FGF12: variants seen among roughly 807,000 people sequenced by gnomAD.
FGF12 encodes fibroblast growth factor 12B.
FGF12 carries 14 observed loss-of-function variants against 23.6 expected under a neutral mutation model. The ratio of observed to expected loss-of-function variants is 0.59; its 90% CI spans 0.39 to 0.93. FGF12 has a LOEUF of 0.93. FGF12 is among the 40% of genes least tolerant of loss of function. The probability of loss-of-function intolerance (pLI) is 0.00; values close to 1 mark genes in which losing one functional copy is unlikely to be tolerated. For synonymous variants in FGF12, 62 were observed against 77.3 expected, an observed-to-expected ratio of 0.80 and a Z score of 1.04; for missense variants, 175 against 217.8, an observed-to-expected ratio of 0.80 and a Z score of 1.24.
At chr3:192,185,969 T>G (rs1716441700) in intron 4 of FGF12, among the ~76,000 whole-genome samples, 1 of 151,954 alleles carries the variant, frequency 6.6e-6, no homozygotes, top group Non-Finnish European at 1.5e-5. Context: ...GAAAAAACAT[T>G]AAAAAAATAT....
intron 2 of FGF12, among the ~76,000 whole-genome samples, chr3:192,565,395 T>C (rs556806981): frequency 6.6e-6 from 1 of 152,254 alleles, no homozygotes; most frequent in South Asian, 2.1e-4. Flanking sequence ...GCTCATTTTA[T>C]CTGTGTCAGA....
At chr3:192,597,066 A>T (rs981286785) in intron 2 of FGF12, among the ~76,000 whole-genome samples, 1 of 152,194 alleles carries the variant, frequency 6.6e-6, no homozygotes, top group African/African-American at 2.4e-5. Context: ...TTAATCTCTA[A>T]TAAGGATTAC....
intron 4 of FGF12, among the ~76,000 whole-genome samples, chr3:192,207,911 C>T (rs1441941974): frequency 2.0e-5 from 3 of 152,170 alleles, no homozygotes; most frequent in East Asian, 3.9e-4. Context: ...GTGTAAACCA[C>T]ACTCACAAAG....
intron 2 of FGF12, among the ~76,000 whole-genome samples, chr3:192,415,732 T>TCTCATA (rs369293180): frequency 0.13 from 15,327 of 117,702 alleles, 1,191 homozygotes; most frequent in East Asian, 0.36. Context: ...TCTCTCTCTC[T>TCTCATA]CACACACACA....
At chr3:192,150,619 T>G (rs1577175652) in intron 5 of FGF12, among the ~76,000 whole-genome samples, 1 of 148,674 alleles carries the variant, frequency 6.7e-6, no homozygotes, top group East Asian at 2.0e-4. Context: ...AAAGATCAGA[T>G]AGTTGTAGGT....
chr3:192,349,833 G>A (rs1004521452), intron 3 of FGF12, among the ~76,000 whole-genome samples: 2 of 152,102 alleles, frequency 1.3e-5, no homozygotes, highest in African/African-American at 4.8e-5. Context: ...GCATTGTCAC[G>A]CAAAGTCATA....
At chr3:192,431,293 A>G (rs12496560) in intron 2 of FGF12, among the ~76,000 whole-genome samples, 1,926 of 152,286 alleles carry the variant, frequency 0.013, 141 homozygotes, top group Admixed American at 0.12. Context: ...AAACCTTTCC[A>G]TTTAAAGTTT....
intron 4 of FGF12, among the ~76,000 whole-genome samples, chr3:192,207,122 G>C (rs1455438649): frequency 2.0e-5 from 3 of 152,116 alleles, no homozygotes; most frequent in Non-Finnish European, 2.9e-5. Context: ...TCCTGAGAAA[G>C]CCCCTTAGCA....
chr3:192,381,315 A>G (rs1719802993), intron 2 of FGF12, among the ~76,000 whole-genome samples: 1 of 152,192 alleles, frequency 6.6e-6, no homozygotes, highest in African/African-American at 2.4e-5. Context: ...ATTCTGAAAA[A>G]TACGCACCAA....
At position 192,140,733 on chromosome 3, in the gene FGF12, T is replaced by C. The variant is rs951926828; in HGVS notation, c.*3276A>G. On this transcript the variant is annotated 3_prime_UTR_variant, in exon 6 of 6. Transcript: ENST00000445105. ...CCATAAAGCATCACATTGCATTACA[T>C]TGATATCTCTTTATTGCGCCAATCC... 1.3e-5 allele frequency: 2 copies of C among 151,960 alleles called. No individual in the cohort carries two copies. Among genetic ancestry groups the C allele is most frequent in the Admixed American group, 6.6e-5 (1 of 15,254 alleles). The allele number at this position is 151,960 out of a possible 1,614,324, so 9.4% of individuals were successfully genotyped here. A position where few individuals can be genotyped will look rare whatever the true frequency, so the allele number is the denominator to read the frequency against.
Position 192,408,356 on chromosome 3 carries a change from C to T in FGF12, c.14-47818G>A. 7.0e-7 allele frequency: 1 copy of T among 1,424,874 alleles called. No homozygotes were observed. The highest frequency in any genetic ancestry group is 1.5e-5 in the South Asian group (1 of 66,596). 88.3% of individuals were successfully genotyped at this position (1,424,874 alleles called of 1,614,324 possible). A position where few individuals can be genotyped will look rare whatever the true frequency, so the allele number is the denominator to read the frequency against. ...GAGGCAGTGCTAAAATTTGAGGAGG[C>T]TGCAGTATCGAAAACCCGGCGCTCA... On this transcript the variant is annotated intron_variant, in intron 2 of 5. Transcript: ENST00000445105. The surrounding 1 kb of genome is among the most constrained non-coding windows in gnomAD (Gnocchi z 7.3).
chr3:192,444,701 T>G (rs995379367), intron 2 of FGF12, among the ~76,000 whole-genome samples: 1 of 152,224 alleles, frequency 6.6e-6, no homozygotes, highest in African/African-American at 2.4e-5. Context: ...GAGCGCCACC[T>G]CGTGGACATG....
At chr3:192,215,539 T>C (rs2108685445) in intron 4 of FGF12, among the ~76,000 whole-genome samples, 1 of 152,208 alleles carries the variant, frequency 6.6e-6, no homozygotes, top group Non-Finnish European at 1.5e-5. Flanking sequence ...GTTATATGGG[T>C]CTTAAAGGCC....
chr3:192,435,832 G>A (rs1300867138), intron 2 of FGF12, among the ~76,000 whole-genome samples: 1 of 152,186 alleles, frequency 6.6e-6, no homozygotes, highest in African/African-American at 2.4e-5. Context: ...AATTTTCAAT[G>A]TGTTACCATG....
intron 4 of FGF12, among the ~76,000 whole-genome samples, chr3:192,174,377 TC>T (rs138166266): frequency 2.8e-3 from 422 of 152,242 alleles, no homozygotes; most frequent in Middle Eastern, 6.8e-3. Flanking sequence ...AGCATCCAGG[TC>T]CTAATCAGCA....
intron 2 of FGF12, among the ~76,000 whole-genome samples, chr3:192,432,490 C>A (rs184582137): frequency 1.9e-4 from 29 of 152,078 alleles, no homozygotes; most frequent in Admixed American, 1.6e-3. Flanking sequence ...TTGTGTAAGA[C>A]CCCTCCTTAG....
At chr3:192,500,501 G>A (rs1045475267) in intron 2 of FGF12, among the ~76,000 whole-genome samples, 3 of 151,938 alleles carry the variant, frequency 2.0e-5, no homozygotes, top group Non-Finnish European at 4.4e-5. Flanking sequence ...TACAAATTTC[G>A]CTCTATGCCA....
chr3:192,376,630 G>T (rs960839592), intron 2 of FGF12, among the ~76,000 whole-genome samples: 3 of 152,122 alleles, frequency 2.0e-5, no homozygotes, highest in Non-Finnish European at 2.9e-5. Flanking sequence ...CCAAAGTGCT[G>T]GGATTACAGG....
At chr3:192,185,316 C>A (rs930835498) in intron 4 of FGF12, among the ~76,000 whole-genome samples, 2 of 152,204 alleles carry the variant, frequency 1.3e-5, no homozygotes, top group Non-Finnish European at 2.9e-5. Context: ...TGCACAGTAG[C>A]TGGCATCTGA....
Sources: gnomAD v4.1 joint callset for allele counts (sites outside exome capture counted in the v4.1 genomes callset) on GRCh38, gnomAD v4.1.1 for gene constraint, Gnocchi (gnomAD v3.1) non-coding constraint, MANE v1.5 for transcripts, NCBI Gene and HGNC (gene_info 2026-07-23, HGNC 2026-07-21) for gene names.